ATF6: variants seen among roughly 807,000 people sequenced by gnomAD.
The protein encoded by ATF6 is cyclic AMP-dependent transcription factor ATF-6 alpha.
A neutral mutation model predicts 83.6 loss-of-function variants in ATF6; 53 were observed. That is an observed-to-expected ratio of 0.63 (90% CI 0.51 to 0.80). ATF6 has a LOEUF of 0.80. Among genes scored for constraint, ATF6 ranks in the 30% least tolerant of loss-of-function variants. The pLI, the probability that ATF6 is intolerant of heterozygous loss-of-function variation, is 0.00. For synonymous variants in ATF6, 288 were observed against 285.8 expected, an observed-to-expected ratio of 1.01 and a Z score of -0.08; for missense variants, 744 against 797.9, an observed-to-expected ratio of 0.93 and a Z score of 0.81.
At position 161,785,997 on chromosome 1, in the gene ATF6, ACT is replaced by A. The variant is rs1252175961; in HGVS notation, c.354+1910_354+1911del. 4.0e-5 allele frequency among the ~76,000 whole-genome samples: 6 copies of A among 149,430 alleles called. No individual in the cohort carries two copies. In the South Asian group the frequency reaches 6.3e-4, roughly 16 times the overall value. On this transcript the variant is annotated intron_variant, in intron 4 of 15. Transcript: ENST00000367942. Reference sequence around the variant, plus strand: ...GTTCTTTTTTTTTTTTTGGAGATGAACTCTCTCTCTTGTCTACCAGGCTGGGG... The same window carrying A: ...GTTCTTTTTTTTTTTTTGGAGATGAACTCTCTCTTGTCTACCAGGCTGGGG...
chr1:161,844,014 G>A (rs369458367), intron 9 of ATF6, among the ~76,000 whole-genome samples: 19 of 152,256 alleles, frequency 1.2e-4, no homozygotes, highest in African/African-American at 4.6e-4. Context: ...GTTCAAAATC[G>A]ATTTGTGTGA....
rs553205870 is a variant in ATF6 at position 161,962,492 on chromosome 1, A to G, written c.*3838A>G. ...TTTTTTGATTCTTGCCATTTTACCA[A>G]GCTTAGGTTGTGAAACTTGACAGAA... On this transcript the variant is annotated 3_prime_UTR_variant, in exon 16 of 16. Transcript: ENST00000367942. 6.6e-6 allele frequency: 1 copy of G among 152,342 alleles called. No homozygotes were observed. Among genetic ancestry groups the G allele is most frequent in the South Asian group, 2.1e-4 (1 of 4,830 alleles). The allele number at this position is 152,342 out of a possible 1,614,324, so 9.4% of individuals were successfully genotyped here.
rs752288775 is a variant in ATF6, at chr1:161,853,241, G to A, written c.1451G>A (p.Arg484Gln). Residue 484 changes from arginine to glutamine, a missense_variant, in exon 12 of 16, where the codon CGA becomes CAA. Arg to Gln is a conservative substitution (Grantham distance 43). Coordinates refer to ENST00000367942, the MANE Select transcript of ATF6 (RefSeq NM_007348.4). The stretch of plus-strand genomic sequence containing the variant: ...TTTTATAGGTTAAATCATGAACTTC[G>A]AGGATGGGTTCATAGACATGAAGTA... ...TESLRLNHEL[R>Q]GWVHRHEVER... 19 of 1,608,908 alleles carry A rather than the reference G, an allele frequency of 1.2e-5. No individual in the cohort carries two copies. In the South Asian group the frequency reaches 1.4e-4, roughly 12 times the overall value.
At chr1:161,795,909 T>C (rs560304044) in intron 6 of ATF6, among the ~76,000 whole-genome samples, 1 of 152,380 alleles carries the variant, frequency 6.6e-6, no homozygotes, top group Non-Finnish European at 1.5e-5. Context: ...TCATTCTGTG[T>C]TGAACCCAAA....
At chr1:161,853,498 A>G (rs571506977) in intron 12 of ATF6, among the ~76,000 whole-genome samples, 175 bp downstream of exon 12, 2 of 152,290 alleles carry the variant, frequency 1.3e-5, no homozygotes, top group East Asian at 1.9e-4. Flanking sequence ...CCCAGGTTTT[A>G]TAGCACTAGT....
intron 15 of ATF6, among the ~76,000 whole-genome samples, chr1:161,920,993 G>T (rs1005505209): frequency 6.6e-6 from 1 of 151,120 alleles, no homozygotes; most frequent in Non-Finnish European, 1.5e-5. Context: ...GGCCTCCCAA[G>T]GTGCTGGGAT....
rs1689029372 is a variant in ATF6 at position 161,959,198 on chromosome 1, G to A, written c.*544G>A. On this transcript the variant is annotated 3_prime_UTR_variant, in exon 16 of 16. Coordinates refer to ENST00000367942, the MANE Select transcript of ATF6 (RefSeq NM_007348.4). ...AAAGCCAAAAACACTCCAAAAACAA[G>A]CAAAACAATTTGGAGCTTTAGATAA... 2 of 152,198 alleles carry A rather than the reference G, an allele frequency of 1.3e-5. No homozygotes were observed. Among genetic ancestry groups the A allele is most frequent in the Non-Finnish European group, 1.5e-5 (1 of 68,024 alleles). The allele number at this position is 152,198 out of a possible 1,614,324, so 9.4% of individuals were successfully genotyped here. A position where few individuals can be genotyped will look rare whatever the true frequency, so the allele number is the denominator to read the frequency against.
intron 9 of ATF6, among the ~76,000 whole-genome samples, chr1:161,839,597 T>A (rs1319220581): frequency 6.6e-6 from 1 of 152,186 alleles, no homozygotes; most frequent in Non-Finnish European, 1.5e-5. Context: ...GGTCTCAAAC[T>A]GCTGGGCTGA....
At chr1:161,833,263 A>G (rs1384963708) in intron 9 of ATF6, among the ~76,000 whole-genome samples, 1 of 152,196 alleles carries the variant, frequency 6.6e-6, no homozygotes, top group South Asian at 2.1e-4. Context: ...GTACGTCACC[A>G]TCATCAAAGA....
intron 7 of ATF6, among the ~76,000 whole-genome samples, chr1:161,813,488 A>G (rs1226980564): frequency 6.6e-6 from 1 of 152,220 alleles, no homozygotes; most frequent in Non-Finnish European, 1.5e-5. Flanking sequence ...TACACAGTCC[A>G]CAGTAAGAAA....
At chr1:161,847,234 C>G (rs3767637) in intron 10 of ATF6, among the ~76,000 whole-genome samples, 2 of 151,654 alleles carry the variant, frequency 1.3e-5, no homozygotes, top group Non-Finnish European at 2.9e-5. Context: ...GGAGCCAGGT[C>G]CTTGACTAAC....
intron 6 of ATF6, among the ~76,000 whole-genome samples, chr1:161,796,244 T>G (rs1685019266): frequency 6.6e-6 from 1 of 152,194 alleles, no homozygotes; most frequent in Non-Finnish European, 1.5e-5. Flanking sequence ...TAGCTAGAAA[T>G]AGGATTCTTT....
At chr1:161,841,101 A>G (rs1261270556) in intron 9 of ATF6, among the ~76,000 whole-genome samples, 1 of 152,190 alleles carries the variant, frequency 6.6e-6, no homozygotes, top group African/African-American at 2.4e-5. Flanking sequence ...ATGATGCAAA[A>G]GCACTCATGG....
At chr1:161,869,158 G>A (rs567369763) in intron 14 of ATF6, among the ~76,000 whole-genome samples, 2 of 151,986 alleles carry the variant, frequency 1.3e-5, no homozygotes, top group South Asian at 2.1e-4. Context: ...GCATAAAAAC[G>A]AATTTCAAAA....
chr1:161,801,030 C>G (rs1395407522), intron 6 of ATF6, among the ~76,000 whole-genome samples: 1 of 152,052 alleles, frequency 6.6e-6, no homozygotes, highest in Non-Finnish European at 1.5e-5. Flanking sequence ...GATTGAGTAT[C>G]CCTTATCCAA....
At chr1:161,909,966 A>C (rs1314067371) in intron 14 of ATF6, among the ~76,000 whole-genome samples, 1 of 152,214 alleles carries the variant, frequency 6.6e-6, no homozygotes. Flanking sequence ...AAAAAAAAGA[A>C]AAGACAGTAA....
At chr1:161,842,438 C>T (rs1192771973) in intron 9 of ATF6, among the ~76,000 whole-genome samples, 1 of 152,124 alleles carries the variant, frequency 6.6e-6, no homozygotes, top group Non-Finnish European at 1.5e-5. Context: ...GCAAAATTTG[C>T]AATTGCAAAA....
intron 15 of ATF6, among the ~76,000 whole-genome samples, chr1:161,926,314 A>G (rs1688307912): frequency 6.6e-6 from 1 of 152,180 alleles, no homozygotes; most frequent in Non-Finnish European, 1.5e-5. Flanking sequence ...ATTATCTCAG[A>G]CAGTTTCTGA....
chr1:161,891,887 C>A (rs535594398), intron 14 of ATF6: 24 of 152,192 alleles, frequency 1.6e-4, no homozygotes, highest in African/African-American at 5.5e-4. Flanking sequence ...GGGGACAAAC[C>A]ATCAAAAAGA....
Sources: gnomAD v4.1 joint callset for allele counts (sites outside exome capture counted in the v4.1 genomes callset) on GRCh38, gnomAD v4.1.1 for gene constraint, MANE v1.5 for transcripts, NCBI Gene and HGNC (gene_info 2026-07-23, HGNC 2026-07-21) for gene names.